Variants in MCF2L2 observed in about 807,000 individuals in gnomAD.
The protein encoded by MCF2L2 is MCF.2 cell line derived transforming sequence-like 2, also known as probable guanine nucleotide exchange factor MCF2L2.
A neutral mutation model predicts 150.2 loss-of-function variants in MCF2L2; 102 were observed. The ratio of observed to expected loss-of-function variants is 0.68; its 90% CI spans 0.58 to 0.80. The LOEUF (loss-of-function observed/expected upper bound fraction) is 0.80. Ranked by LOEUF, MCF2L2 falls within the 30% of genes least tolerant of loss-of-function variation. The pLI is 0.00. For synonymous variants in MCF2L2, 465 were observed against 491.3 expected (o/e 0.95, Z 0.71); for missense variants, 1,256 against 1,372.8 (o/e 0.91, Z 1.34).
At chr3:183,282,904 T>A (rs1012925612) in intron 14 of MCF2L2, among the ~76,000 whole-genome samples, 1 of 152,202 alleles carries the variant, frequency 6.6e-6, no homozygotes, top group African/African-American at 2.4e-5. Context: ...TGGGGCAGCA[T>A]TAGCCCCAAC....
chr3:183,300,399 C>T (rs140172798), intron 10 of MCF2L2, among the ~76,000 whole-genome samples: 1 of 152,328 alleles, frequency 6.6e-6, no homozygotes, highest in East Asian at 1.9e-4. Flanking sequence ...TGCTGAACAA[C>T]AGCAGTCATT....
chr3:183,221,468 AC>A (rs1723145126), intron 20 of MCF2L2, among the ~76,000 whole-genome samples: 1 of 152,130 alleles, frequency 6.6e-6, no homozygotes, highest in Non-Finnish European at 1.5e-5. Flanking sequence ...CTGGATTCAG[AC>A]CCAGGTTGTT....
rs73886265 is a variant in MCF2L2 at position 183,196,698 on chromosome 3, C to A, written c.2885-1443G>T. Among the ~76,000 whole-genome samples, 398 of 152,290 alleles carry A rather than the reference C, an allele frequency of 2.6e-3. 2 individuals carry two copies. The highest frequency in any genetic ancestry group is 9.4e-3 in the African/African-American group (389 of 41,558). On this transcript the variant is annotated intron_variant, in intron 25 of 29. Transcript: ENST00000328913. ...TGCACCAGGCTCAGGAGACTCAGTT[C>A]TGCTGCGGATAAGTTATGTAAAATT... is the stretch of plus-strand genomic sequence containing the variant.
chr3:183,255,840 A>G (rs1180351952), intron 15 of MCF2L2, among the ~76,000 whole-genome samples: 1 of 152,088 alleles, frequency 6.6e-6, no homozygotes, highest in African/African-American at 2.4e-5. Context: ...AAAACTTTCT[A>G]ATTCTCAAAA....
rs777574438 is a variant in MCF2L2 at position 183,270,777 on chromosome 3, G to A, written c.1862+6095C>T. On this transcript the variant is annotated intron_variant, in intron 15 of 29. Coordinates refer to ENST00000328913, the MANE Select transcript of MCF2L2 (RefSeq NM_015078.4). The surrounding 1 kb of genome is among the most constrained non-coding windows in gnomAD (Gnocchi z 4.5). ...AATGATGACATCTCATGGACACTTAGAAGATCTCCAGGACCTTTGGAAGAA... is the reference window on the plus strand; with the variant it reads ...AATGATGACATCTCATGGACACTTAAAAGATCTCCAGGACCTTTGGAAGAA... 16 of 1,613,778 alleles carry A rather than the reference G, an allele frequency of 9.9e-6. No individual in the cohort carries two copies. The highest frequency in any genetic ancestry group is 1.4e-5 in the Non-Finnish European group (16 of 1,179,966).
chr3:183,220,919 A>C (rs1208191245), intron 20 of MCF2L2, among the ~76,000 whole-genome samples: 1 of 152,172 alleles, frequency 6.6e-6, no homozygotes, highest in Non-Finnish European at 1.5e-5. Flanking sequence ...TTTTGTTCAC[A>C]TTTTCCCCAA....
In MCF2L2 at chr3:183,294,903, C is replaced by T. The variant is rs577893910; in HGVS notation, c.1675+397G>A. ...TCAGGCTCCCAAAGTGCTGGGATTA[C>T]AGGCGTGAGCCACCGCGCCCAGCCT... On this transcript the variant is annotated intron_variant, in intron 13 of 29. Transcript: ENST00000328913. 2.5e-4 allele frequency among the ~76,000 whole-genome samples: 38 copies of T among 152,216 alleles called. No individual in the cohort carries two copies. The East Asian group carries it at 4.2e-3, about 17-fold the overall frequency.
In MCF2L2 at chr3:183,272,021, A is replaced by G. The variant is rs559564317; in HGVS notation, c.1862+4851T>C. 6.7e-6 allele frequency: 3 copies of G among 449,696 alleles called. No homozygotes were observed. In the South Asian group the frequency reaches 2.9e-4, roughly 44 times the overall value. 27.9% of individuals were successfully genotyped at this position (449,696 alleles called of 1,614,324 possible). A position where few individuals can be genotyped will look rare whatever the true frequency, so the allele number is the denominator to read the frequency against. On this transcript the variant is annotated intron_variant, in intron 15 of 29. Coordinates refer to ENST00000328913, the MANE Select transcript of MCF2L2 (RefSeq NM_015078.4). ...GAGAGCATTAAACATCAAAGTTATAATATCTAAAACAATTTATTTTTCATC... is the reference window on the plus strand; with the variant it reads ...GAGAGCATTAAACATCAAAGTTATAGTATCTAAAACAATTTATTTTTCATC...
Position 183,274,036 on chromosome 3 carries a change from G to A in MCF2L2, c.1862+2836C>T, listed in dbSNP as rs193180247. Among the ~76,000 whole-genome samples, 410 of 152,226 alleles carry A rather than the reference G, an allele frequency of 2.7e-3. 2 individuals are homozygous for A. Among genetic ancestry groups the A allele is most frequent in the African/African-American group, 9.5e-3 (394 of 41,534 alleles). ...TTGAGACCAGCCTGGCCAACATGGTGAAACCCCATCTCTACTAAAAATACA... is the reference window on the plus strand; with the variant it reads ...TTGAGACCAGCCTGGCCAACATGGTAAAACCCCATCTCTACTAAAAATACA... On this transcript the variant is annotated intron_variant, in intron 15 of 29. Transcript: ENST00000328913.
intron 10 of MCF2L2, among the ~76,000 whole-genome samples, chr3:183,308,340 T>C (rs1195411459): frequency 3.9e-5 from 6 of 152,314 alleles, no homozygotes; most frequent in East Asian, 1.9e-4. Flanking sequence ...CAAAAAAATA[T>C]AGTATCTATA....
chr3:183,378,301 T>G (rs1311806106), intron 3 of MCF2L2: 1 of 152,352 alleles, frequency 6.6e-6, no homozygotes, highest in Non-Finnish European at 1.5e-5. Flanking sequence ...CCCAACCAAG[T>G]CTTCTCTGCT....
intron 10 of MCF2L2, among the ~76,000 whole-genome samples, chr3:183,300,583 T>G (rs1728790119): frequency 6.6e-6 from 1 of 151,980 alleles, no homozygotes; most frequent in African/African-American, 2.4e-5. Context: ...TAATAAGAGA[T>G]TTTGAATACC....
At position 183,229,897 on chromosome 3, in the gene MCF2L2, G is replaced by A. The variant is rs1723486091; in HGVS notation, c.1930-116C>T. 3.4e-5 allele frequency: 17 copies of A among 502,752 alleles called. No individual in the cohort carries two copies. The South Asian group carries it at 6.6e-4, about 20-fold the overall frequency. The allele number at this position is 502,752 out of a possible 1,614,324, so 31.1% of individuals were successfully genotyped here. Reference sequence around the variant, plus strand: ...AATGATTGAAGAATATAGCACACTTGTTTCTTGAAAGCTATCGTATTGAGT... The same window carrying A: ...AATGATTGAAGAATATAGCACACTTATTTCTTGAAAGCTATCGTATTGAGT... On this transcript the variant is annotated intron_variant, in intron 16 of 29. Transcript: ENST00000328913.
At chr3:183,245,367 C>G (rs990607736) in intron 15 of MCF2L2, among the ~76,000 whole-genome samples, 7 of 152,112 alleles carry the variant, frequency 4.6e-5, no homozygotes, top group African/African-American at 1.7e-4. Flanking sequence ...GGAGTAAACT[C>G]CAGCAGGGGC....
chr3:183,402,373 G>A (rs1714806244), intron 1 of MCF2L2, among the ~76,000 whole-genome samples: 1 of 149,486 alleles, frequency 6.7e-6, no homozygotes, highest in Non-Finnish European at 1.5e-5. Context: ...AGAATGGCGT[G>A]ACCTCGGGAG....
chr3:183,184,421 G>A (rs894813225), intron 27 of MCF2L2, among the ~76,000 whole-genome samples: 1 of 152,316 alleles, frequency 6.6e-6, no homozygotes, highest in East Asian at 1.9e-4. Context: ...TACACCCTGA[G>A]TCTCTGGGGC....
intron 2 of MCF2L2, among the ~76,000 whole-genome samples, chr3:183,381,027 GA>G (rs965576267): frequency 6.6e-6 from 1 of 152,110 alleles, no homozygotes; most frequent in Non-Finnish European, 1.5e-5. Context: ...GGGGGGCCAT[GA>G]AAAAAAGACT....
chr3:183,386,214 T>C (rs1460797955), intron 2 of MCF2L2, among the ~76,000 whole-genome samples: 1 of 152,190 alleles, frequency 6.6e-6, no homozygotes, highest in African/African-American at 2.4e-5. Context: ...GAACCCAGAA[T>C]TGTCTGGGTC....
In MCF2L2 at chr3:183,379,405, C is replaced by T; in HGVS notation, c.167G>A (p.Arg56Gln). ...GATGATGGGGGCGCCATCCTCCCCT[C>T]GGCCTCCTGCAACAAAAACAGGTGG... ...HRQFAILSGGRGEDGAPIITF... is the reference protein window; with the variant it reads ...HRQFAILSGGQGEDGAPIITF... The change falls in exon 3 of 30, where the codon CGA becomes CAA. Residue 56 changes from arginine (R) to glutamine (Q), a missense_variant. Arg to Gln is a conservative substitution (Grantham distance 43). Transcript: ENST00000328913. 2 of 1,609,040 alleles carry T rather than the reference C, an allele frequency of 1.2e-6. No individual in the cohort carries two copies. The highest frequency in any genetic ancestry group is 1.7e-6 in the Non-Finnish European group (2 of 1,177,570).
Sources: allele counts gnomAD v4.1 joint callset (sites outside exome capture counted in the v4.1 genomes callset), GRCh38; gene constraint gnomAD v4.1.1; non-coding constraint Gnocchi (gnomAD v3.1); transcripts MANE v1.5; gene names NCBI Gene and HGNC (gene_info 2026-07-23, HGNC 2026-07-21).